The following PIK3R6 variants were observed in gnomAD, a reference collection of about 807,000 sequenced individuals.
PIK3R6 encodes the protein phosphoinositide-3-kinase regulatory subunit 6.
PIK3R6 carries 91 observed loss-of-function variants against 84.9 expected under a neutral mutation model. That is an observed-to-expected ratio of 1.07 (90% CI 0.90 to 1.28). The LOEUF is 1.28. Ranked by LOEUF, PIK3R6 falls within the 50% of genes most tolerant of loss-of-function variation. The pLI is 0.00. For missense variants in PIK3R6, 996 were observed against 985.1 expected (o/e 1.01, Z -0.15); for synonymous variants, 416 against 411.4 (o/e 1.01, Z -0.13).
At chr17:8,840,080 TATATATATCCTCCAAATATGTATATGAA>T (rs2088620068) in intron 2 of PIK3R6, among the ~76,000 whole-genome samples, 1 of 151,424 alleles carries the variant, frequency 6.6e-6, no homozygotes. Flanking sequence ...ATATATGAAA[TATATATATCCTCCAAATATGTATATGAA>T]ATATATAGCC....
chr17:8,829,357 C>G (rs1267055662), intron 10 of PIK3R6, among the ~76,000 whole-genome samples: 1 of 138,486 alleles, frequency 7.2e-6, no homozygotes, highest in East Asian at 2.1e-4. Flanking sequence ...GACACACTGA[C>G]ACACACACAT....
intron 10 of PIK3R6, among the ~76,000 whole-genome samples, 187 bp from the exon 11 acceptor site, chr17:8,829,177 A>C (rs2151236127): frequency 7.6e-6 from 1 of 132,232 alleles, no homozygotes; most frequent in African/African-American, 3.1e-5. Context: ...ACACATGTAC[A>C]GACACAGACA....
At chr17:8,861,466 T>C (rs974507710) in intron 1 of PIK3R6, among the ~76,000 whole-genome samples, 16 of 152,222 alleles carry the variant, frequency 1.1e-4, no homozygotes, top group African/African-American at 3.9e-4. Flanking sequence ...TCCAAAAATA[T>C]TAAATGAAAA....
At position 8,828,122 on chromosome 17, in the gene PIK3R6, A is replaced by C. The variant is rs752956813; in HGVS notation, c.1382T>G (p.Leu461Arg). Residue 461 changes from leucine to arginine, a missense_variant, in exon 12 of 20, where the codon CTG (leucine) becomes CGG (arginine). Physicochemically the swap from Leu to Arg is moderately radical, Grantham distance 102 (BLOSUM62 -2). Coordinates refer to ENST00000619866, the MANE Select transcript of PIK3R6 (RefSeq NM_001010855.4). ...LSLQLYYIPV[L>R]APEKPAASRQ... ...CCGCGGTCCAGTCACCTCAGGCGCCAGCACGGGGATGTAGTAGAGCTGCAG... is the reference window on the plus strand; with the variant it reads ...CCGCGGTCCAGTCACCTCAGGCGCCCGCACGGGGATGTAGTAGAGCTGCAG... 18 of 1,613,746 alleles carry C rather than the reference A, an allele frequency of 1.1e-5. No homozygotes were observed. Among genetic ancestry groups the C allele is most frequent in the Non-Finnish European group, 1.4e-5 (17 of 1,179,826 alleles).
chr17:8,849,348 G>A (rs574777563), intron 2 of PIK3R6, among the ~76,000 whole-genome samples: 1 of 152,296 alleles, frequency 6.6e-6, no homozygotes, highest in Non-Finnish European at 1.5e-5. Context: ...GTGACTGGGG[G>A]AAAAGTACCT....
Position 8,835,343 on chromosome 17 carries a change from A to G in PIK3R6, c.575T>C (p.Val192Ala). 2 of 1,610,752 alleles carry G rather than the reference A, an allele frequency of 1.2e-6. No individual in the cohort carries two copies. Among genetic ancestry groups the G allele is most frequent in the Non-Finnish European group, 1.7e-6 (2 of 1,177,950 alleles). The change falls in exon 8 of 20, where the codon GTG becomes GCG. Residue 192 changes from valine (V) to alanine (A), a missense_variant. Physicochemically the swap from Val to Ala is moderately conservative, Grantham distance 64 (BLOSUM62 0). Coordinates refer to ENST00000619866, the MANE Select transcript of PIK3R6 (RefSeq NM_001010855.4). ...AGCCGCCTGCAGGGCGTGGGAGACC[A>G]CGTGGCGCATGCAGGTCTCTGGTGT... ...QQTPETCMRH[V>A]VSHALQAALG...
chr17:8,820,371 TTACTC>T (rs1248791155), intron 17 of PIK3R6, among the ~76,000 whole-genome samples: 3 of 151,968 alleles, frequency 2.0e-5, no homozygotes, highest in South Asian at 2.1e-4. Flanking sequence ...CATTTATCGT[TTACTC>T]TATGCACACA....
At chr17:8,826,451 A>G (rs2087921069) in intron 13 of PIK3R6, among the ~76,000 whole-genome samples, 1 of 152,228 alleles carries the variant, frequency 6.6e-6, no homozygotes, top group Non-Finnish European at 1.5e-5. Context: ...GCAGCCATAA[A>G]AAAAGAGTGA....
intron 18 of PIK3R6, among the ~76,000 whole-genome samples, chr17:8,816,979 G>C (rs1041321077): frequency 6.6e-6 from 1 of 152,168 alleles, no homozygotes; most frequent in African/African-American, 2.4e-5. Context: ...GCTTGTAATA[G>C]TGAAAAATGA....
At position 8,842,649 on chromosome 17, in the gene PIK3R6, G is replaced by C. The variant is rs1043435481; in HGVS notation, c.14-2952C>G. Among the ~76,000 whole-genome samples the C allele has an allele frequency of 6.6e-6, 1 of 151,986 alleles. No homozygotes were observed. Among genetic ancestry groups the C allele is most frequent in the Non-Finnish European group, 1.5e-5 (1 of 68,004 alleles). ...CCACCAAGAGTTTGCCATTATAGGT[G>C]AGTGTGTATTCTCCAGTTGTCAGAC... On this transcript the variant is annotated intron_variant, in intron 2 of 19. Coordinates refer to ENST00000619866, the MANE Select transcript of PIK3R6 (RefSeq NM_001010855.4). This position sits in a 1 kb window ranked among gnomAD's most constrained non-coding sequence, Gnocchi z 4.5.
At position 8,803,462 on chromosome 17, in the gene PIK3R6, C is replaced by A. The variant is rs1304919567; in HGVS notation, c.2109-33G>T. On this transcript the variant is annotated intron_variant, in intron 19 of 19. Transcript: ENST00000619866. This position sits in a 1 kb window ranked among gnomAD's most constrained non-coding sequence, Gnocchi z 5.0. Reference sequence around the variant, plus strand: ...TGGAGAGAGACCAGCTCAGGTGACCCATCTGAGGGATCAGATTGCCTAGGG... The same window carrying A: ...TGGAGAGAGACCAGCTCAGGTGACCAATCTGAGGGATCAGATTGCCTAGGG... The A allele has an allele frequency of 6.4e-7, 1 of 1,565,506 alleles. No homozygotes were observed. Among genetic ancestry groups the A allele is most frequent in the Non-Finnish European group, 8.6e-7 (1 of 1,157,772 alleles).
At chr17:8,850,218 T>C (rs914664145) in intron 1 of PIK3R6, among the ~76,000 whole-genome samples, 1 of 149,920 alleles carries the variant, frequency 6.7e-6, no homozygotes, top group Non-Finnish European at 1.5e-5. Context: ...GGCAGGAGAA[T>C]CGCCTGAACC....
chr17:8,804,443 A>G (rs950297791), intron 18 of PIK3R6, among the ~76,000 whole-genome samples: 2 of 152,082 alleles, frequency 1.3e-5, no homozygotes, highest in African/African-American at 4.8e-5. Flanking sequence ...AGTTACCTGA[A>G]CTCGAGTGTT....
At chr17:8,858,150 G>T (rs1042100955) in intron 1 of PIK3R6, among the ~76,000 whole-genome samples, 3 of 152,152 alleles carry the variant, frequency 2.0e-5, no homozygotes, top group Non-Finnish European at 4.4e-5. Context: ...CCCAGGGGAT[G>T]AGCTTGCACG....
chr17:8,820,494 G>C (rs912929165), intron 17 of PIK3R6, among the ~76,000 whole-genome samples: 2 of 152,070 alleles, frequency 1.3e-5, no homozygotes, highest in African/African-American at 4.8e-5. Context: ...GCTGGGGTGT[G>C]AGACCTGCCC....
chr17:8,804,189 T>C, intron 18 of PIK3R6, 36 bp from the exon 19 acceptor site: 1 of 1,565,094 alleles, frequency 6.4e-7, no homozygotes, highest in Non-Finnish European at 8.8e-7. Flanking sequence ...AGTGTTGCCT[T>C]TGCTCGACAG....
At chr17:8,845,981 G>T (rs532225587) in intron 2 of PIK3R6, among the ~76,000 whole-genome samples, 2 of 152,106 alleles carry the variant, frequency 1.3e-5, no homozygotes, top group Non-Finnish European at 1.5e-5. Context: ...GTGTAATTAG[G>T]TCTCAATTGT....
chr17:8,856,655 G>A (rs1255133964), intron 1 of PIK3R6, among the ~76,000 whole-genome samples: 4 of 152,040 alleles, frequency 2.6e-5, no homozygotes, highest in South Asian at 2.1e-4. Flanking sequence ...ATTTTATTCC[G>A]ATTTCCCCAG....
intron 12 of PIK3R6, among the ~76,000 whole-genome samples, chr17:8,827,712 A>G (rs1335441520): frequency 1.8e-5 from 2 of 111,184 alleles, no homozygotes; most frequent in African/African-American, 6.7e-5. Context: ...GTGTGTGTGT[A>G]TGTGTGTGTA....
Sources: gnomAD v4.1 joint callset for allele counts (sites outside exome capture counted in the v4.1 genomes callset) on GRCh38, gnomAD v4.1.1 for gene constraint, Gnocchi (gnomAD v3.1) non-coding constraint, MANE v1.5 for transcripts, NCBI Gene and HGNC (gene_info 2026-07-23, HGNC 2026-07-21) for gene names.